Variants in EXOC4 observed in about 807,000 individuals in gnomAD.
EXOC4 encodes the protein SEC8-like 1.
EXOC4 carries 71 observed loss-of-function variants against 107.2 expected under a neutral mutation model. That is an observed-to-expected ratio of 0.66 (90% confidence interval 0.55 to 0.81). EXOC4 has a LOEUF of 0.81. EXOC4 is among the 30% of genes least tolerant of loss of function. The probability of loss-of-function intolerance (pLI) is 0.00; values close to 1 mark genes in which losing one functional copy is unlikely to be tolerated. For missense variants in EXOC4, 1,108 were observed against 1,189.6 expected (o/e 0.93, Z 1.01); for synonymous variants, 456 against 441.2 (o/e 1.03, Z -0.42).
intron 11 of EXOC4, among the ~76,000 whole-genome samples, chr7:133,857,184 A>G (rs1308369695): frequency 3.6e-5 from 1 of 27,900 alleles, no homozygotes; most frequent in East Asian, 1.1e-3. Flanking sequence ...ATATATATAT[A>G]TATATATATA....
chr7:133,370,135 G>T (rs989969451), intron 6 of EXOC4, among the ~76,000 whole-genome samples: 1 of 60,334 alleles, frequency 1.7e-5, no homozygotes, highest in Non-Finnish European at 3.7e-5. Flanking sequence ...TCTCCCCCCC[G>T]CCCACCCTCC....
chr7:133,968,879 G>A (rs1801134212), intron 14 of EXOC4, among the ~76,000 whole-genome samples: 1 of 152,290 alleles, frequency 6.6e-6, no homozygotes, highest in South Asian at 2.1e-4. Context: ...GAATTTGAAT[G>A]TTGGCCTCTC....
Position 133,572,531 on chromosome 7 carries a change from T to A in EXOC4, c.1418-57514T>A, listed in dbSNP as rs573601481. On this transcript the variant is annotated intron_variant, in intron 9 of 17. Transcript: ENST00000253861. ...TTACTTTGAACAATATAATTTTTTT[T>A]TAAAAAAATTGATAGTCTTCCTGTG... Among the ~76,000 whole-genome samples the A allele has an allele frequency of 3.9e-3, 588 of 152,274 alleles. 3 individuals are homozygous for A. The highest frequency in any genetic ancestry group is 0.013 in the African/African-American group (559 of 41,574).
intron 10 of EXOC4, among the ~76,000 whole-genome samples, chr7:133,683,008 G>C (rs1300993034): frequency 6.6e-6 from 1 of 152,132 alleles, no homozygotes; most frequent in Non-Finnish European, 1.5e-5. Flanking sequence ...TTGTCATTCT[G>C]TGAAAGGGGG....
intron 5 of EXOC4, among the ~76,000 whole-genome samples, chr7:133,349,367 A>G (rs1262976667): frequency 2.0e-5 from 3 of 152,122 alleles, no homozygotes; most frequent in Non-Finnish European, 4.4e-5. Flanking sequence ...TTCTGTTTCT[A>G]TAAATTTGAC....
chr7:133,561,387 C>T (rs1022017487), intron 9 of EXOC4, among the ~76,000 whole-genome samples: 1 of 152,108 alleles, frequency 6.6e-6, no homozygotes, highest in African/African-American at 2.4e-5. Context: ...TTTTCTAAGC[C>T]CCTTAATTTA....
At position 133,309,679 on chromosome 7, in the gene EXOC4, C is replaced by T. The variant is rs1206519538; in HGVS notation, c.656+3618C>T. 3.3e-5 allele frequency among the ~76,000 whole-genome samples: 5 copies of T among 152,296 alleles called. No homozygotes were observed. The South Asian group carries it at 8.3e-4, about 25-fold the overall frequency. The stretch of plus-strand genomic sequence containing the variant: ...GGTCAGCCGGGCGTGGAGGCTCACG[C>T]CTGTAATCCCAGCACTTTGGGAAGC... On this transcript the variant is annotated intron_variant, in intron 4 of 17. Coordinates refer to ENST00000253861, the MANE Select transcript of EXOC4 (RefSeq NM_021807.4).
Position 133,338,374 on chromosome 7 carries a change from A to G in EXOC4, c.764-17956A>G, listed in dbSNP as rs372832995. On this transcript the variant is annotated intron_variant, in intron 5 of 17. Coordinates refer to ENST00000253861, the MANE Select transcript of EXOC4 (RefSeq NM_021807.4). ...TTTGGGAGGCCGAGGCGGGTGGATCATGAGGTCAGGAGATCGAGACCATCC... is the reference window on the plus strand; with the variant it reads ...TTTGGGAGGCCGAGGCGGGTGGATCGTGAGGTCAGGAGATCGAGACCATCC... Among the ~76,000 whole-genome samples the G allele has an allele frequency of 5.3e-5, 8 of 150,222 alleles. No individual in the cohort carries two copies. In the East Asian group the frequency reaches 1.2e-3, roughly 22 times the overall value.
intron 7 of EXOC4, among the ~76,000 whole-genome samples, chr7:133,464,265 A>G (rs1318631349): frequency 6.6e-6 from 1 of 152,166 alleles, no homozygotes; most frequent in Non-Finnish European, 1.5e-5. Context: ...TAGTTCTATT[A>G]TTATCTTTTA....
intron 5 of EXOC4, among the ~76,000 whole-genome samples, chr7:133,334,164 A>G (rs1365259780): frequency 2.0e-5 from 3 of 152,198 alleles, no homozygotes; most frequent in Non-Finnish European, 4.4e-5. Flanking sequence ...CGGAAGCATT[A>G]TCATGTTGTA....
At chr7:133,899,364 A>G (rs893654299) in intron 12 of EXOC4, among the ~76,000 whole-genome samples, 1 of 152,146 alleles carries the variant, frequency 6.6e-6, no homozygotes, top group Non-Finnish European at 1.5e-5. Flanking sequence ...TTTTTTTCCA[A>G]TCATTTATGT....
intron 6 of EXOC4, among the ~76,000 whole-genome samples, chr7:133,373,142 A>C (rs529762359): frequency 6.6e-6 from 1 of 152,204 alleles, no homozygotes; most frequent in Non-Finnish European, 1.5e-5. Context: ...ATGATGCCAG[A>C]TACCAGTTTT....
At chr7:133,446,844 T>C (rs892705581) in intron 7 of EXOC4, among the ~76,000 whole-genome samples, 10 of 152,192 alleles carry the variant, frequency 6.6e-5, no homozygotes, top group African/African-American at 1.4e-4. Flanking sequence ...ATTTTGAGGA[T>C]GTAGGGTAAC....
At chr7:133,917,329 G>T (rs1563056342) in intron 12 of EXOC4, among the ~76,000 whole-genome samples, 1 of 152,136 alleles carries the variant, frequency 6.6e-6, no homozygotes, top group African/African-American at 2.4e-5. Context: ...ATCAAATATG[G>T]TAAGAGGAGC....
At chr7:133,309,678 G>T (rs575299739) in intron 4 of EXOC4, among the ~76,000 whole-genome samples, 2 of 152,298 alleles carry the variant, frequency 1.3e-5, no homozygotes, top group African/African-American at 4.8e-5. Context: ...GGAGGCTCAC[G>T]CCTGTAATCC....
chr7:133,508,664 G>A (rs1799710757), intron 9 of EXOC4, among the ~76,000 whole-genome samples: 1 of 152,170 alleles, frequency 6.6e-6, no homozygotes, highest in Non-Finnish European at 1.5e-5. Context: ...TGTAGCTACA[G>A]TCACAAGTTA....
chr7:133,363,083 A>C (rs887705093), intron 6 of EXOC4, among the ~76,000 whole-genome samples: 3 of 152,212 alleles, frequency 2.0e-5, no homozygotes, highest in Non-Finnish European at 2.9e-5. Context: ...AAGTAAATTT[A>C]ACTTCAGTGA....
intron 9 of EXOC4, among the ~76,000 whole-genome samples, chr7:133,553,246 C>T (rs1385528406): frequency 2.0e-5 from 3 of 152,118 alleles, no homozygotes; most frequent in Non-Finnish European, 2.9e-5. Context: ...CTGTAATTTA[C>T]GTCTTATTTT....
downstream of EXOC4, among the ~76,000 whole-genome samples, chr7:134,069,865 T>C (rs2346454): frequency 0.77 from 117,355 of 152,086 alleles, 46,126 homozygotes; most frequent in African/African-American, 0.91. Flanking sequence ...TACTTTGGTG[T>C]GTAGCTGTGG....
Sources: gnomAD v4.1 joint callset for allele counts (sites outside exome capture counted in the v4.1 genomes callset) on GRCh38, gnomAD v4.1.1 for gene constraint, MANE v1.5 for transcripts, NCBI Gene and HGNC (gene_info 2026-07-23, HGNC 2026-07-21) for gene names.